Variants in ATP13A4 observed in about 807,000 individuals in gnomAD.
ATP13A4 encodes the protein probable cation-transporting ATPase 13A4.
Under a neutral mutation model 142.5 loss-of-function variants are expected in ATP13A4, and 114 were observed. That is an observed-to-expected ratio of 0.80 (90% CI 0.69 to 0.93). The LOEUF is 0.93. Among genes scored for constraint, ATP13A4 ranks in the 40% least tolerant of loss-of-function variants. The pLI is 0.00. For missense variants in ATP13A4, 1,392 were observed against 1,454.0 expected (o/e 0.96, Z 0.69); for synonymous variants, 488 against 514.8 (o/e 0.95, Z 0.70).
chr3:193,521,817 C>T (rs561999308), intron 1 of ATP13A4, among the ~76,000 whole-genome samples: 15 of 152,142 alleles, frequency 9.9e-5, no homozygotes, highest in Non-Finnish European at 1.8e-4. Context: ...CCTGTAATCC[C>T]AGCCACTTGG....
chr3:193,466,617 G>C lies in ATP13A4; in HGVS notation c.1115-435C>G, dbSNP rs556261590. Among the ~76,000 whole-genome samples, 4 of 152,356 alleles carry C rather than the reference G, an allele frequency of 2.6e-5. No homozygotes were observed. The South Asian group carries it at 8.3e-4, about 32-fold the overall frequency. On this transcript the variant is annotated intron_variant, in intron 10 of 29. Transcript: ENST00000342695. ...TTCTAGCCCACCCTGGAAAGAACTT[G>C]GGATTCAGGATGAGACCTGAGTTCT...
chr3:193,425,856 A>G (rs1715632812), intron 25 of ATP13A4, among the ~76,000 whole-genome samples: 1 of 151,782 alleles, frequency 6.6e-6, no homozygotes, highest in South Asian at 2.1e-4. Flanking sequence ...CAAAATTGCT[A>G]AAAAAGAGAA....
intron 18 of ATP13A4, among the ~76,000 whole-genome samples, chr3:193,445,660 A>C (rs1283005628): frequency 6.6e-6 from 1 of 150,406 alleles, no homozygotes; most frequent in Non-Finnish European, 1.5e-5. Context: ...GGGAGGCTGA[A>C]GCAGGAGAAT....
chr3:193,511,244 G>C (rs1721125579), intron 2 of ATP13A4, among the ~76,000 whole-genome samples: 2 of 152,318 alleles, frequency 1.3e-5, no homozygotes, highest in African/African-American at 4.8e-5. Flanking sequence ...AATTCGACAA[G>C]GGCTTGACAG....
At position 193,441,450 on chromosome 3, in the gene ATP13A4, C is replaced by T. The variant is rs1716634574; in HGVS notation, c.2439+16G>A. The T allele has an allele frequency of 4.3e-6, 7 of 1,613,610 alleles. No homozygotes were observed. Among genetic ancestry groups the T allele is most frequent in the Non-Finnish European group, 5.9e-6 (7 of 1,179,650 alleles). On this transcript the variant is annotated intron_variant, in intron 20 of 29. Transcript: ENST00000342695. ...CAGCATTTTCATAGGGAGATTGTCA[C>T]CCTCTTAGAACTTACCTTTGGCAGT...
chr3:193,413,142 A>C (rs781768065), intron 26 of ATP13A4, among the ~76,000 whole-genome samples: 3 of 152,190 alleles, frequency 2.0e-5, no homozygotes, highest in African/African-American at 7.2e-5. Flanking sequence ...GACATTTATC[A>C]GTTCCCAAAA....
intron 1 of ATP13A4, among the ~76,000 whole-genome samples, chr3:193,536,488 A>G (rs937825875): frequency 2.0e-5 from 3 of 152,018 alleles, no homozygotes; most frequent in Non-Finnish European, 2.9e-5. Context: ...TAAATAAAAG[A>G]GAATTCTTTC....
chr3:193,489,407 C>T (rs1376169667), intron 7 of ATP13A4, among the ~76,000 whole-genome samples: 1 of 152,180 alleles, frequency 6.6e-6, no homozygotes, highest in Non-Finnish European at 1.5e-5. Context: ...TCTCTGCCAC[C>T]ATCCTCAAGT....
rs919000963 is a variant in ATP13A4 at position 193,447,155 on chromosome 3, A to G, written c.2152+1051T>C. Among the ~76,000 whole-genome samples, 10 of 152,316 alleles carry G rather than the reference A, an allele frequency of 6.6e-5. No homozygotes were observed. In the South Asian group the frequency reaches 2.1e-3, roughly 32 times the overall value. ...AGGAGGAACACTTGTACATAAATCTAAGTTAAGGATAGATTATGAGAATGT... is the reference window on the plus strand; with the variant it reads ...AGGAGGAACACTTGTACATAAATCTGAGTTAAGGATAGATTATGAGAATGT... On this transcript the variant is annotated intron_variant, in intron 18 of 29. Coordinates refer to ENST00000342695, the MANE Select transcript of ATP13A4 (RefSeq NM_032279.4).
chr3:193,477,376 T>A (rs77550274), intron 8 of ATP13A4, among the ~76,000 whole-genome samples: 53 of 152,236 alleles, frequency 3.5e-4, no homozygotes, highest in African/African-American at 1.2e-3. Flanking sequence ...AATTATTTAA[T>A]CTGTGTGATA....
chr3:193,434,370 T>G (rs139968240), intron 24 of ATP13A4, among the ~76,000 whole-genome samples: 12 of 152,334 alleles, frequency 7.9e-5, no homozygotes, highest in Admixed American at 6.5e-4. Flanking sequence ...TGAATGTTTT[T>G]AGACAAAATT....
At chr3:193,445,212 C>T (rs1716877050) in intron 18 of ATP13A4, among the ~76,000 whole-genome samples, 1 of 150,766 alleles carries the variant, frequency 6.6e-6, no homozygotes, top group South Asian at 2.1e-4. Flanking sequence ...CCGAGGCACA[C>T]AGATCACGAG....
intron 7 of ATP13A4, among the ~76,000 whole-genome samples, chr3:193,486,634 A>T (rs1351915683): frequency 6.6e-6 from 1 of 152,182 alleles, no homozygotes; most frequent in African/African-American, 2.4e-5. Flanking sequence ...AAAAGTGTTG[A>T]ATTTAAGGTA....
chr3:193,402,754 A>G lies in ATP13A4; in HGVS notation c.3489T>C (p.Ser1163=), dbSNP rs908168694. ...IWQRDLANDP[S]WPPLNQTSHS... is the part of the protein sequence containing the mutation. ...GGGAGGTTTGGTTTAGCGGGGGCCAACTAGGGTCATTTGCCAAGTCCCTCT... is the reference window on the plus strand; with the variant it reads ...GGGAGGTTTGGTTTAGCGGGGGCCAGCTAGGGTCATTTGCCAAGTCCCTCT... Residue 1163 remains serine, a synonymous_variant, in exon 30 of 30, where the codon AGT becomes AGC. Transcript: ENST00000342695. 1.2e-6 allele frequency: 2 copies of G among 1,613,254 alleles called. No individual in the cohort carries two copies. Among genetic ancestry groups the G allele is most frequent in the Admixed American group, 3.3e-5 (2 of 59,990 alleles).
intron 2 of ATP13A4, among the ~76,000 whole-genome samples, chr3:193,569,714 T>C (rs1724218494): frequency 6.6e-6 from 1 of 151,928 alleles, no homozygotes; most frequent in Non-Finnish European, 1.5e-5. Flanking sequence ...AAATTTTGTG[T>C]GTGTGCTGAC....
rs1718353837 is a variant in ATP13A4 at position 193,467,316 on chromosome 3, C to A, written c.1114G>T (p.Gly372Ter). The stretch of plus-strand genomic sequence containing the variant: ...ATAAGAAAAAGGAGGGGATGCTAAC[C>A]AGTCTGCAGTACCACGGCTCTCACG... ...GTVRAVVLQT[G>*]FNTAKGDLVR... Residue 372 changes from glycine (G) to a stop codon, truncating the protein, a stop_gained and splice_region_variant, in exon 10 of 30, where the codon GGA becomes TGA. Transcript: ENST00000342695. LOFTEE classifies it high-confidence loss of function. 1 of 1,613,992 alleles carries A rather than the reference C, an allele frequency of 6.2e-7. No individual in the cohort carries two copies. The highest frequency in any genetic ancestry group is 1.7e-5 in the Admixed American group (1 of 59,992).
chr3:193,575,403 G>C (rs1724370506), intron 2 of ATP13A4, among the ~76,000 whole-genome samples: 1 of 152,090 alleles, frequency 6.6e-6, no homozygotes, highest in African/African-American at 2.4e-5. Context: ...GGGATGAGTT[G>C]ACAAAGAGAA....
intron 25 of ATP13A4, among the ~76,000 whole-genome samples, chr3:193,417,915 G>A (rs1474430610): frequency 2.0e-5 from 3 of 147,130 alleles, no homozygotes; most frequent in Non-Finnish European, 3.0e-5. Flanking sequence ...AAGGTCAGGA[G>A]ATCGAGACCA....
intron 1 of ATP13A4, among the ~76,000 whole-genome samples, chr3:193,590,767 G>A (rs1724749023): frequency 2.0e-5 from 3 of 152,198 alleles, no homozygotes; most frequent in Non-Finnish European, 4.4e-5. Context: ...TTTTGCCAAG[G>A]CAGTTTCAAT....
Sources: allele counts gnomAD v4.1 joint callset (sites outside exome capture counted in the v4.1 genomes callset), GRCh38; gene constraint gnomAD v4.1.1; transcripts MANE v1.5; gene names NCBI Gene and HGNC (gene_info 2026-07-23, HGNC 2026-07-21).